The following TTC7B variants were observed in gnomAD, a reference collection of about 807,000 sequenced individuals.
TTC7B encodes the protein tetratricopeptide repeat domain 7B, also known as tetratricopeptide repeat protein 7B.
Under a neutral mutation model 106.8 loss-of-function variants are expected in TTC7B, and 28 were observed. The ratio of observed to expected loss-of-function variants is 0.26; its 90% CI spans 0.19 to 0.36. TTC7B has a LOEUF of 0.36. Among genes scored for constraint, TTC7B ranks in the 10% least tolerant of loss-of-function variants. The pLI is 1.00. For missense variants in TTC7B, 862 were observed against 1,076.4 expected, an observed-to-expected ratio of 0.80 and a Z score of 2.79; for synonymous variants, 405 against 430.6, an observed-to-expected ratio of 0.94 and a Z score of 0.74.
At position 90,556,866 on chromosome 14, in the gene TTC7B, G is replaced by C. The variant is rs376030885; in HGVS notation, c.2311-15277C>G. ...TCCTGGGACCACTGCCTCCACAGGG[G>C]AGAATAGCAGGCCCAGGCAGAGGCT... On this transcript the variant is annotated intron_variant, in intron 19 of 19. Coordinates refer to ENST00000328459, the MANE Select transcript of TTC7B (RefSeq NM_001010854.2). Among the ~76,000 whole-genome samples the C allele has an allele frequency of 7.9e-5, 12 of 152,204 alleles. No homozygotes were observed. The East Asian group carries it at 1.5e-3, about 20-fold the overall frequency.
chr14:90,569,042 G>A (rs564024513), intron 19 of TTC7B, among the ~76,000 whole-genome samples: 1 of 152,270 alleles, frequency 6.6e-6, no homozygotes, highest in East Asian at 1.9e-4. Flanking sequence ...GATGGGATTT[G>A]ACAGGCCCAT....
At chr14:90,791,585 G>A (rs1227816712) in intron 1 of TTC7B, among the ~76,000 whole-genome samples, 4 of 152,156 alleles carry the variant, frequency 2.6e-5, no homozygotes, top group South Asian at 4.1e-4. Flanking sequence ...ATGCTGCCCC[G>A]TGACTACGTT....
intron 15 of TTC7B, among the ~76,000 whole-genome samples, chr14:90,622,920 T>C (rs1159778667): frequency 6.6e-6 from 1 of 152,202 alleles, no homozygotes; most frequent in African/African-American, 2.4e-5. Context: ...CCAAAGGATT[T>C]GTCCATTGCC....
rs761813288 is a variant in TTC7B, at chr14:90,541,297, G to A, written c.*71C>T. The A allele has an allele frequency of 3.9e-5, 55 of 1,397,914 alleles. No individual in the cohort carries two copies. Among genetic ancestry groups the A allele is most frequent in the Non-Finnish European group, 5.0e-5 (51 of 1,029,946 alleles). 86.6% of individuals were successfully genotyped at this position (1,397,914 alleles called of 1,614,324 possible). Reference sequence around the variant, plus strand: ...TGTGGCAGATTCATCCCCTTGGGGCGATGGCACAAGCCCTGGTGCCCGGCA... The same window carrying A: ...TGTGGCAGATTCATCCCCTTGGGGCAATGGCACAAGCCCTGGTGCCCGGCA... On this transcript the variant is annotated 3_prime_UTR_variant, in exon 20 of 20. Coordinates refer to ENST00000328459, the MANE Select transcript of TTC7B (RefSeq NM_001010854.2).
At chr14:90,795,508 G>A (rs1891745501) in intron 1 of TTC7B, among the ~76,000 whole-genome samples, 1 of 152,222 alleles carries the variant, frequency 6.6e-6, no homozygotes, top group Admixed American at 6.5e-5. Flanking sequence ...GCCACAGCTA[G>A]TGCAATGCAG....
At chr14:90,713,138 C>G (rs952738938) in intron 5 of TTC7B, among the ~76,000 whole-genome samples, 1 of 151,740 alleles carries the variant, frequency 6.6e-6, no homozygotes, top group African/African-American at 2.4e-5. Context: ...TTTTTTGAGA[C>G]GGAGACTCAT....
chr14:90,735,669 G>C (rs1368726544), intron 4 of TTC7B, among the ~76,000 whole-genome samples: 2 of 152,026 alleles, frequency 1.3e-5, no homozygotes, highest in African/African-American at 4.8e-5. Flanking sequence ...GACCAGCCTG[G>C]GCAACACAGC....
At chr14:90,671,969 C>A (rs1886651100) in intron 9 of TTC7B, among the ~76,000 whole-genome samples, 1 of 152,202 alleles carries the variant, frequency 6.6e-6, no homozygotes, top group Non-Finnish European at 1.5e-5. Context: ...AAGGCTGGGT[C>A]TGCACAACGC....
chr14:90,690,996 G>T (rs1375360766), intron 6 of TTC7B, among the ~76,000 whole-genome samples: 1 of 152,124 alleles, frequency 6.6e-6, no homozygotes, highest in African/African-American at 2.4e-5. Flanking sequence ...CCCCAACTGA[G>T]CAATCTGTAA....
chr14:90,729,027 T>G (rs1889222855), intron 5 of TTC7B, among the ~76,000 whole-genome samples: 1 of 152,254 alleles, frequency 6.6e-6, no homozygotes, highest in Non-Finnish European at 1.5e-5. Flanking sequence ...CAAGAGCATC[T>G]TTGTGCCAAG....
At chr14:90,635,503 G>A (rs1271707873) in intron 15 of TTC7B, among the ~76,000 whole-genome samples, 2 of 152,078 alleles carry the variant, frequency 1.3e-5, no homozygotes, top group African/African-American at 2.4e-5. Flanking sequence ...GTTCACGCCT[G>A]TAATCCCAGC....
At chr14:90,607,024 G>C (rs1892668878) in intron 17 of TTC7B, among the ~76,000 whole-genome samples, 1 of 151,524 alleles carries the variant, frequency 6.6e-6, no homozygotes, top group Admixed American at 6.6e-5. Context: ...TTAGGGACTG[G>C]CCTTAAAATA....
chr14:90,726,461 C>T (rs1430157545), intron 5 of TTC7B, among the ~76,000 whole-genome samples: 1 of 152,194 alleles, frequency 6.6e-6, no homozygotes, highest in Admixed American at 6.5e-5. Context: ...CAAGCTCCCA[C>T]TGCAACCAGG....
chr14:90,639,708 G>A (rs956232073), intron 15 of TTC7B, among the ~76,000 whole-genome samples: 23 of 152,162 alleles, frequency 1.5e-4, no homozygotes, highest in African/African-American at 3.1e-4. Context: ...TGTGCACCAG[G>A]AGCCCTGTAA....
At position 90,704,235 on chromosome 14, in the gene TTC7B, A is replaced by T. The variant is rs192685230; in HGVS notation, c.699-8657T>A. Among the ~76,000 whole-genome samples the T allele has an allele frequency of 6.3e-4, 96 of 152,330 alleles. 2 individuals carry two copies. The highest frequency in any genetic ancestry group is 6.8e-3 in the Middle Eastern group (2 of 294). On this transcript the variant is annotated intron_variant, in intron 5 of 19. Coordinates refer to ENST00000328459, the MANE Select transcript of TTC7B (RefSeq NM_001010854.2). ...CCATCCGGCCCTTCATTCCACATAC[A>T]AACATTTACTGGCTAAAAGCCAAAA...
At chr14:90,628,547 C>A (rs1214688634) in intron 15 of TTC7B, among the ~76,000 whole-genome samples, 1 of 152,126 alleles carries the variant, frequency 6.6e-6, no homozygotes, top group Non-Finnish European at 1.5e-5. Flanking sequence ...AGGGGAAGGG[C>A]CTGGGCCACA....
chr14:90,601,860 C>A (rs544436657), intron 17 of TTC7B: 2 of 287,560 alleles, frequency 7.0e-6, no homozygotes, highest in East Asian at 1.9e-4. Flanking sequence ...ATGGAATTTA[C>A]ATTTTTACAG....
rs1050433981 is a variant in TTC7B, at chr14:90,527,053, T to C, written c.*14315A>G. ...TTTTGAGGGGTATTGGTCAGGTATT[T>C]TGTAGAAAGTTCATCGGTTTGGGTT... On this transcript the variant is annotated 3_prime_UTR_variant, in exon 20 of 20. Transcript: ENST00000328459. 1 of 152,142 alleles carries C rather than the reference T, an allele frequency of 6.6e-6. No homozygotes were observed. Among genetic ancestry groups the C allele is most frequent in the East Asian group, 1.9e-4 (1 of 5,198 alleles). 9.4% of individuals were successfully genotyped at this position (152,142 alleles called of 1,614,324 possible).
chr14:90,656,089 C>T (rs1045850381), intron 11 of TTC7B, among the ~76,000 whole-genome samples: 1 of 152,190 alleles, frequency 6.6e-6, no homozygotes, highest in Non-Finnish European at 1.5e-5. Flanking sequence ...CCAAACTACA[C>T]TTTCACAGCT....
Sources: allele counts gnomAD v4.1 joint callset (sites outside exome capture counted in the v4.1 genomes callset), GRCh38; gene constraint gnomAD v4.1.1; transcripts MANE v1.5; gene names NCBI Gene and HGNC (gene_info 2026-07-23, HGNC 2026-07-21).